The following INTS8 variants were observed in gnomAD, a reference collection of about 807,000 sequenced individuals.
INTS8 encodes protein kaonashi-1.
INTS8 carries 47 observed loss-of-function variants against 138.9 expected under a neutral mutation model. That is an observed-to-expected ratio of 0.34 (90% confidence interval 0.27 to 0.43). The LOEUF (loss-of-function observed/expected upper bound fraction) is 0.43. Among genes scored for constraint, INTS8 ranks in the 20% least tolerant of loss-of-function variants. The pLI, the probability that INTS8 is intolerant of heterozygous loss-of-function variation, is 1.00. For missense variants in INTS8, 996 were observed against 1,173.0 expected (o/e 0.85, Z 2.20); for synonymous variants, 392 against 400.9 (o/e 0.98, Z 0.27).
At chr8:94,877,171 G>T (rs1200228935) in intron 26 of INTS8, among the ~76,000 whole-genome samples, 1 of 152,140 alleles carries the variant, frequency 6.6e-6, no homozygotes, top group Non-Finnish European at 1.5e-5. Context: ...CTGATTAGAT[G>T]AACTCTTTAT....
At chr8:94,854,223 A>AAG (rs1250482034) in intron 14 of INTS8, among the ~76,000 whole-genome samples, 1 of 151,936 alleles carries the variant, frequency 6.6e-6, no homozygotes, top group Non-Finnish European at 1.5e-5. Context: ...AAAAAAAAAA[A>AAG]AGAAAAGAAT....
At chr8:94,824,567 C>T (rs1814409753) in intron 1 of INTS8, among the ~76,000 whole-genome samples, 1 of 152,080 alleles carries the variant, frequency 6.6e-6, no homozygotes, top group African/African-American at 2.4e-5. Flanking sequence ...TTCTAATTGG[C>T]AGTGGTTATT....
At chr8:94,861,888 C>T (rs1443584640) in intron 16 of INTS8, among the ~76,000 whole-genome samples, 1 of 151,566 alleles carries the variant, frequency 6.6e-6, no homozygotes, top group Non-Finnish European at 1.5e-5. Context: ...CTCGTGAAAA[C>T]TGCCATACTT....
intron 5 of INTS8, among the ~76,000 whole-genome samples, chr8:94,831,263 G>A (rs1300793752): frequency 6.6e-6 from 1 of 151,920 alleles, no homozygotes; most frequent in Admixed American, 6.6e-5. Context: ...ACAAGTGTAT[G>A]CTACCATGGC....
Position 94,869,738 on chromosome 8 carries a change from A to G in INTS8, c.2415-2146A>G, listed in dbSNP as rs188461126. Among the ~76,000 whole-genome samples, 338 of 152,096 alleles carry G rather than the reference A, an allele frequency of 2.2e-3. No individual in the cohort carries two copies. In the Middle Eastern group the frequency reaches 0.041, roughly 18 times the overall value. ...AAACTCCTGACCTTGTGATCTGCCT[A>G]CCTCGGCCTCCCAAAGTGCTGGGAT... is the stretch of plus-strand genomic sequence containing the variant. On this transcript the variant is annotated intron_variant, in intron 20 of 26. Transcript: ENST00000523731.
At chr8:94,828,939 T>C in intron 4 of INTS8, 36 bp from the exon 5 acceptor site, 1 of 1,425,448 alleles carries the variant, frequency 7.0e-7, no homozygotes, top group South Asian at 1.2e-5. Flanking sequence ...TGAGAGTAAC[T>C]TTTGATACTT....
At position 94,856,893 on chromosome 8, in the gene INTS8, C is replaced by T. The variant is rs779677680; in HGVS notation, c.1869C>T (p.His623=). 9.3e-6 allele frequency: 15 copies of T among 1,613,938 alleles called. No homozygotes were observed. In the South Asian group the frequency reaches 1.1e-4, roughly 12 times the overall value. ...TGTTGCTTTTGGATATTCATACACACGAAGCTGGGACAGGGCAGGCAGGAG... is the reference window on the plus strand; with the variant it reads ...TGTTGCTTTTGGATATTCATACACATGAAGCTGGGACAGGGCAGGCAGGAG... The part of the protein sequence containing the change: ...NEMLLLDIHT[H]EAGTGQAGER... Residue 623 remains histidine, a synonymous_variant, in exon 15 of 27, where the codon CAC becomes CAT. Transcript: ENST00000523731.
rs1816059004 is a variant in INTS8, at chr8:94,863,234, C to T, written c.2077-2272C>T. Among the ~76,000 whole-genome samples the T allele has an allele frequency of 1.3e-5, 2 of 152,154 alleles. 1 individual carries two copies. Among genetic ancestry groups the T allele is most frequent in the South Asian group, 4.1e-4 (2 of 4,830 alleles). On this transcript the variant is annotated intron_variant, in intron 16 of 26. Transcript: ENST00000523731. The stretch of plus-strand genomic sequence containing the variant: ...GTTGTTCATGTGGCCTACCAGGCTT[C>T]TTAAGGTGTGCATGCTTCTCCTCCT...
rs116941799 is a variant in INTS8, at chr8:94,879,143, C to G, written c.2872-975C>G. On this transcript the variant is annotated intron_variant, in intron 26 of 26. Transcript: ENST00000523731. Reference sequence around the variant, plus strand: ...TTTGGGATACCTGTTTGAAACAACTCTGGTTATACTCTACTACCAACTTTT... The same window carrying G: ...TTTGGGATACCTGTTTGAAACAACTGTGGTTATACTCTACTACCAACTTTT... Among the ~76,000 whole-genome samples, 131 of 152,304 alleles carry G rather than the reference C, an allele frequency of 8.6e-4. 5 individuals are homozygous for G. In the East Asian group the frequency reaches 0.019, roughly 22 times the overall value.
Position 94,851,509 on chromosome 8 carries a change from G to T in INTS8, c.1508-44G>T, listed in dbSNP as rs757410347. 32 of 1,341,972 alleles carry T rather than the reference G, an allele frequency of 2.4e-5. 1 individual carries two copies. In the Middle Eastern group the frequency reaches 8.1e-4, roughly 34 times the overall value. The allele number at this position is 1,341,972 out of a possible 1,614,324, so 83.1% of individuals were successfully genotyped here. A position where few individuals can be genotyped will look rare whatever the true frequency, so the allele number is the denominator to read the frequency against. The stretch of plus-strand genomic sequence containing the variant: ...ATTTTAAGTAAATTGTTATTCTCGT[G>T]TATATCTTTGAATTAAATCATTGAA... On this transcript the variant is annotated intron_variant, in intron 12 of 26. Coordinates refer to ENST00000523731, the MANE Select transcript of INTS8 (RefSeq NM_017864.4).
chr8:94,863,794 C>T (rs148181891), intron 16 of INTS8, among the ~76,000 whole-genome samples: 1 of 152,326 alleles, frequency 6.6e-6, no homozygotes, highest in East Asian at 1.9e-4. Flanking sequence ...TACAGTAGCC[C>T]TGGCATTACA....
At chr8:94,862,026 T>C (rs2131052913) in intron 16 of INTS8, among the ~76,000 whole-genome samples, 1 of 151,938 alleles carries the variant, frequency 6.6e-6, no homozygotes, top group Admixed American at 6.6e-5. Context: ...TTGCAACCTC[T>C]ACCTCCCAGT....
At position 94,874,333 on chromosome 8, in the gene INTS8, T is replaced by C. The variant is rs115625524; in HGVS notation, c.2638-219T>C. On this transcript the variant is annotated intron_variant, in intron 22 of 26. Coordinates refer to ENST00000523731, the MANE Select transcript of INTS8 (RefSeq NM_017864.4). ...AATGATATTTTAAAAATACTTATAATGGCTTTCAAAATAAGATTGAACATT... is the reference window on the plus strand; with the variant it reads ...AATGATATTTTAAAAATACTTATAACGGCTTTCAAAATAAGATTGAACATT... Among the ~76,000 whole-genome samples, 536 of 152,302 alleles carry C rather than the reference T, an allele frequency of 3.5e-3. 4 individuals carry two copies. The highest frequency in any genetic ancestry group is 0.012 in the African/African-American group (511 of 41,558).
In INTS8 at chr8:94,853,854, A is replaced by G. The variant is rs202069827; in HGVS notation, c.1691A>G (p.Asn564Ser). The part of the protein sequence containing the change: ...YSGVILGIKD[N>S]LTRDLVYILM... ...GGTGTTATCCTGGGAATTAAAGACA[A>G]TTTAACAAGAGATTTGGTTTATATT... The change falls in exon 14 of 27, where the codon AAT (asparagine) becomes AGT (serine). Residue 564 changes from asparagine (N) to serine (S), a missense_variant. By Grantham distance (46) the Asn-to-Ser change is conservative. Coordinates refer to ENST00000523731, the MANE Select transcript of INTS8 (RefSeq NM_017864.4). 49 of 1,612,306 alleles carry G rather than the reference A, an allele frequency of 3.0e-5. No individual in the cohort carries two copies. In the Admixed American group the frequency reaches 3.3e-4, roughly 11 times the overall value.
intron 16 of INTS8, 56 bp from the exon 17 acceptor site, chr8:94,865,450 C>A: frequency 7.2e-7 from 1 of 1,395,614 alleles, no homozygotes. Flanking sequence ...GATAATAGAA[C>A]TAATGTGCAC....
chr8:94,856,270 A>G lies in INTS8; in HGVS notation c.1753-507A>G, dbSNP rs143268984. Among the ~76,000 whole-genome samples, 131 of 152,338 alleles carry G rather than the reference A, an allele frequency of 8.6e-4. 2 individuals are homozygous for G. In the East Asian group the frequency reaches 0.012, roughly 14 times the overall value. On this transcript the variant is annotated intron_variant, in intron 14 of 26. Transcript: ENST00000523731. ...GGTAGAAGCCAGATTATGGGAGTGA[A>G]TGAAATATGTGGAGCAATAGAATAT... is the stretch of plus-strand genomic sequence containing the variant.
intron 26 of INTS8, among the ~76,000 whole-genome samples, chr8:94,878,048 C>T (rs1816626347): frequency 6.6e-6 from 1 of 152,210 alleles, no homozygotes; most frequent in African/African-American, 2.4e-5. Context: ...GATAGAACTA[C>T]TCTTGATCAA....
intron 20 of INTS8, among the ~76,000 whole-genome samples, chr8:94,868,173 G>T (rs180687593): frequency 6.6e-6 from 1 of 152,098 alleles, no homozygotes; most frequent in Non-Finnish European, 1.5e-5. Flanking sequence ...GGAGGAAAAA[G>T]GGTTCATTTA....
chr8:94,859,587 A>C lies in INTS8; in HGVS notation c.2031A>C (p.Thr677=), dbSNP rs138818665. 1.9e-6 allele frequency: 3 copies of C among 1,611,696 alleles called. No homozygotes were observed. Among genetic ancestry groups the C allele is most frequent in the Admixed American group, 1.7e-5 (1 of 60,006 alleles). Reference sequence around the variant, plus strand: ...ACTGGAGAGAAAATGAATACCTTACACTCCAAGTTCCTGCATTTTTGCTTC... The same window carrying C: ...ACTGGAGAGAAAATGAATACCTTACCCTCCAAGTTCCTGCATTTTTGCTTC... ...MLNWRENEYL[T]LQVPAFLLQS... Residue 677 remains threonine (T), a synonymous_variant, in exon 16 of 27, where the codon ACA becomes ACC. Coordinates refer to ENST00000523731, the MANE Select transcript of INTS8 (RefSeq NM_017864.4).
Sources: allele counts gnomAD v4.1 joint callset (sites outside exome capture counted in the v4.1 genomes callset), GRCh38; gene constraint gnomAD v4.1.1; transcripts MANE v1.5; gene names NCBI Gene and HGNC (gene_info 2026-07-23, HGNC 2026-07-21).